The following RNF150 variants were observed in gnomAD, a reference collection of about 807,000 sequenced individuals.
RNF150 encodes the protein ring finger protein 150.
In RNF150, 24 loss-of-function variants were observed where a neutral mutation model predicts 39.3. The ratio of observed to expected loss-of-function variants is 0.61; its 90% CI spans 0.44 to 0.86. RNF150 has a LOEUF of 0.86. Ranked by LOEUF, RNF150 falls within the 40% of genes least tolerant of loss-of-function variation. RNF150 has a pLI of 0.00. For synonymous variants in RNF150, 255 were observed against 227.3 expected, an observed-to-expected ratio of 1.12 and a Z score of -1.10; for missense variants, 502 against 587.8, an observed-to-expected ratio of 0.85 and a Z score of 1.51.
chr4:141,020,969 C>T (rs1346607663), intron 1 of RNF150, among the ~76,000 whole-genome samples: 1 of 152,076 alleles, frequency 6.6e-6, no homozygotes, highest in Non-Finnish European at 1.5e-5. Context: ...AGGACTACTG[C>T]AATAGAGGAA....
intron 1 of RNF150, among the ~76,000 whole-genome samples, chr4:141,068,407 C>T (rs1052784028): frequency 2.6e-4 from 39 of 152,252 alleles, no homozygotes; most frequent in Non-Finnish European, 3.7e-4. Flanking sequence ...TGTTCTGTTC[C>T]ATTCATCTAT....
chr4:140,988,249 T>TGG (rs1394450959), intron 1 of RNF150, among the ~76,000 whole-genome samples: 1 of 152,166 alleles, frequency 6.6e-6, no homozygotes, highest in Non-Finnish European at 1.5e-5. Flanking sequence ...ATCCAATTAC[T>TGG]GGGTATACCC....
At chr4:141,038,838 A>G (rs1736247713) in intron 1 of RNF150, among the ~76,000 whole-genome samples, 1 of 152,202 alleles carries the variant, frequency 6.6e-6, no homozygotes, top group Non-Finnish European at 1.5e-5. Context: ...CCACAGGCTG[A>G]GGTCCTCAAG....
intron 1 of RNF150, among the ~76,000 whole-genome samples, chr4:141,000,099 A>AGG (rs1734608261): frequency 7.0e-6 from 1 of 141,872 alleles, no homozygotes; most frequent in East Asian, 2.0e-4. Flanking sequence ...GAAGAAGAAG[A>AGG]AGAAGAAGAG....
chr4:140,986,146 G>A (rs1734007272), intron 1 of RNF150, among the ~76,000 whole-genome samples: 2 of 152,086 alleles, frequency 1.3e-5, no homozygotes, highest in African/African-American at 2.4e-5. Flanking sequence ...ATTACGGAAA[G>A]TGATTTAAGA....
At chr4:140,928,560 T>G (rs531359372) in intron 4 of RNF150, among the ~76,000 whole-genome samples, 5 of 152,362 alleles carry the variant, frequency 3.3e-5, no homozygotes, top group African/African-American at 1.2e-4. Context: ...TCTTTTTCTT[T>G]TTTTGAGACG....
intron 6 of RNF150, among the ~76,000 whole-genome samples, chr4:140,895,863 T>C (rs1729922923): frequency 6.6e-6 from 1 of 152,102 alleles, no homozygotes; most frequent in Non-Finnish European, 1.5e-5. Context: ...TTAAAGAATT[T>C]TTTTTCTGCG....
chr4:141,147,791 G>A (rs1203413915), intron 1 of RNF150, among the ~76,000 whole-genome samples: 1 of 152,066 alleles, frequency 6.6e-6, no homozygotes, highest in Non-Finnish European at 1.5e-5. Context: ...CAGAGGGGAG[G>A]GGAAAAGGCT....
intron 4 of RNF150, among the ~76,000 whole-genome samples, chr4:140,942,921 C>T (rs1391328722): frequency 3.9e-5 from 6 of 152,186 alleles, no homozygotes; most frequent in East Asian, 1.9e-4. Context: ...GCTGCCCCTA[C>T]GCGCCACATA....
chr4:141,120,297 G>C (rs1726567329), intron 1 of RNF150, among the ~76,000 whole-genome samples: 1 of 152,168 alleles, frequency 6.6e-6, no homozygotes, highest in Admixed American at 6.5e-5. Context: ...TGACAAAGGG[G>C]GTAAAGGGCG....
intron 1 of RNF150, among the ~76,000 whole-genome samples, chr4:141,197,960 AT>A (rs996608374): frequency 6.6e-6 from 1 of 151,910 alleles, no homozygotes; most frequent in Non-Finnish European, 1.5e-5. Flanking sequence ...TTAAATATTT[AT>A]TTTATCAATT....
At chr4:141,138,684 A>G (rs1727067277) in intron 1 of RNF150, among the ~76,000 whole-genome samples, 1 of 152,200 alleles carries the variant, frequency 6.6e-6, no homozygotes, top group Non-Finnish European at 1.5e-5. Context: ...ATTTGGCGCC[A>G]GGCAATCCAG....
intron 6 of RNF150, among the ~76,000 whole-genome samples, chr4:140,892,917 G>C (rs58285245): frequency 0.16 from 24,628 of 151,918 alleles, 2,407 homozygotes; most frequent in East Asian, 0.38. Context: ...TAAGCTAAAA[G>C]ATTAGCTGAG....
Position 140,967,765 on chromosome 4 carries a change from C to T in RNF150, c.593G>A (p.Arg198Gln), listed in dbSNP as rs1273025876. The change falls in exon 2 of 7, where the codon CGG (arginine) becomes CAG (glutamine). Residue 198 changes from arginine (R) to glutamine (Q), a missense_variant. Arg to Gln is a conservative substitution (Grantham distance 43, BLOSUM62 1). Coordinates refer to ENST00000515673, the MANE Select transcript of RNF150 (RefSeq NM_020724.2). ...TVTMYITIGT[R>Q]NLQKYVSRTS... ...GCGGCTCACATATTTCTGCAAGTTC[C>T]GGGTTCCGATGGTGATGTACATTGT... 1.5e-5 allele frequency: 25 copies of T among 1,613,338 alleles called. No individual in the cohort carries two copies. The highest frequency in any genetic ancestry group is 4.0e-5 in the African/African-American group (3 of 74,838).
chr4:141,029,642 G>A (rs1263695303), intron 1 of RNF150, among the ~76,000 whole-genome samples: 1 of 152,184 alleles, frequency 6.6e-6, no homozygotes, highest in African/African-American at 2.4e-5. Context: ...GAATGACTGG[G>A]TATGCCTCAG....
At chr4:141,053,052 G>A (rs1428948196) in intron 1 of RNF150, among the ~76,000 whole-genome samples, 1 of 152,032 alleles carries the variant, frequency 6.6e-6, no homozygotes, top group Admixed American at 6.6e-5. Flanking sequence ...AAGGTTGTGG[G>A]TAGGAATAAA....
At chr4:141,098,227 G>A (rs555960004) in intron 1 of RNF150, among the ~76,000 whole-genome samples, 48 of 152,188 alleles carry the variant, frequency 3.2e-4, no homozygotes, top group Non-Finnish European at 5.6e-4. Context: ...ATATAATAAT[G>A]TGATAAGCAG....
chr4:140,955,815 C>G (rs1294990559), intron 2 of RNF150, among the ~76,000 whole-genome samples: 1 of 152,192 alleles, frequency 6.6e-6, no homozygotes, highest in Non-Finnish European at 1.5e-5. Flanking sequence ...TTGTGAAGTT[C>G]ATGTTTATTT....
In RNF150 at chr4:140,911,222, G is replaced by T; in HGVS notation, c.1120C>A (p.Arg374=). 1 of 1,614,116 alleles carries T rather than the reference G, an allele frequency of 6.2e-7. No individual in the cohort carries two copies. The change falls in exon 6 of 7, where the codon CGG becomes AGG. Residue 374 remains arginine (R), a synonymous_variant. Transcript: ENST00000515673. ...ACCACCTGCAAGGCTCCCACAGTCC[G>T]GACAGCAGGGTCCAAAGTGACTGAA... The part of the protein sequence containing the change: ...ESSVTLDPAV[R]TVGALQVVQD...
Sources: gnomAD v4.1 joint callset for allele counts (sites outside exome capture counted in the v4.1 genomes callset) on GRCh38, gnomAD v4.1.1 for gene constraint, MANE v1.5 for transcripts, NCBI Gene and HGNC (gene_info 2026-07-23, HGNC 2026-07-21) for gene names.